VPS39: variants seen among roughly 807,000 people sequenced by gnomAD.
VPS39 encodes VPS39 subunit of HOPS complex.
Under a neutral mutation model 121.0 loss-of-function variants are expected in VPS39, and 70 were observed. That is an observed-to-expected ratio of 0.58 (90% confidence interval 0.48 to 0.71). VPS39 has a LOEUF of 0.71. VPS39 is among the 30% of genes least tolerant of loss of function. The probability of loss-of-function intolerance (pLI) is 0.00; values close to 1 mark genes in which losing one functional copy is unlikely to be tolerated. For missense variants in VPS39, 818 were observed against 1,051.5 expected (o/e 0.78, Z 3.07); for synonymous variants, 378 against 398.1 (o/e 0.95, Z 0.60).
At chr15:42,207,911 A>G (rs2050208732) in intron 1 of VPS39, among the ~76,000 whole-genome samples, 170 bp downstream of exon 1, 2 of 152,238 alleles carry the variant, frequency 1.3e-5, no homozygotes, top group Non-Finnish European at 2.9e-5. Context: ...ACAGACATCG[A>G]TGTCTATAGC....
chr15:42,184,755 A>G, intron 7 of VPS39, 55 bp from the exon 8 acceptor site: 1 of 1,526,210 alleles, frequency 6.6e-7, no homozygotes, highest in African/African-American at 1.4e-5. Flanking sequence ...AGGTAAGAAC[A>G]CAGGAAAAAT....
intron 20 of VPS39, 84 bp downstream of exon 20, chr15:42,163,542 G>T: frequency 1.3e-6 from 2 of 1,510,486 alleles, no homozygotes; most frequent in East Asian, 2.3e-5. Flanking sequence ...AGTGGAGTAT[G>T]GGGAGATGGC....
intron 8 of VPS39, chr15:42,179,068 C>G (rs1283858573): frequency 6.5e-6 from 1 of 154,288 alleles, no homozygotes; most frequent in Non-Finnish European, 1.4e-5. Context: ...AAATCTCTTG[C>G]ACAAAAAAGA....
intron 2 of VPS39, among the ~76,000 whole-genome samples, chr15:42,192,351 T>C (rs1487894599): frequency 6.6e-6 from 1 of 152,154 alleles, no homozygotes; most frequent in Non-Finnish European, 1.5e-5. Context: ...TCCAAGCTCA[T>C]ATTTGAGGGG....
intron 8 of VPS39, among the ~76,000 whole-genome samples, chr15:42,183,896 G>A (rs1339577457): frequency 6.6e-6 from 1 of 151,954 alleles, no homozygotes; most frequent in African/African-American, 2.4e-5. Context: ...TCACTCTTCC[G>A]ACTGAAAATA....
In VPS39 at chr15:42,178,539, C is replaced by A. The variant is rs760529009; in HGVS notation, c.750G>T (p.Leu250Phe). Residue 250 changes from leucine (L) to phenylalanine (F), a missense_variant, in exon 9 of 25, where the codon TTG (leucine) becomes TTT (phenylalanine). Leu to Phe is a conservative substitution (Grantham distance 22, BLOSUM62 0). Transcript: ENST00000318006. ...EHQPPYIIAVLPRYVEIRTFE... is the reference protein window; with the variant it reads ...EHQPPYIIAVFPRYVEIRTFE... The stretch of plus-strand genomic sequence containing the variant: ...ATGTTCGGATCTCAACATATCGAGG[C>A]AACACTGCAATGATGTAGGGAGGCT... The A allele has an allele frequency of 6.2e-7, 1 of 1,614,140 alleles. No homozygotes were observed. Among genetic ancestry groups the A allele is most frequent in the South Asian group, 1.1e-5 (1 of 91,076 alleles).
chr15:42,184,599 A>T lies in VPS39; in HGVS notation c.636T>A (p.Asp212Glu). The change falls in exon 8 of 25, where the codon GAT (aspartate) becomes GAA (glutamate). Residue 212 changes from aspartate to glutamate, a missense_variant. Physicochemically the swap from Asp to Glu is conservative, Grantham distance 45. Transcript: ENST00000318006. Reference protein sequence around the residue: ...LADGKVAVGQDDLTVVLNEEG... With the variant: ...LADGKVAVGQEDLTVVLNEEG... ...CCTCATTGAGTACCACGGTGAGATC[A>T]TCCTGGCCCACAGCCACTTTTCCAT... 1 of 1,614,162 alleles carries T rather than the reference A, an allele frequency of 6.2e-7. No individual in the cohort carries two copies. The highest frequency in any genetic ancestry group is 8.5e-7 in the Non-Finnish European group (1 of 1,180,024).
intron 5 of VPS39, 137 bp from the exon 6 acceptor site, chr15:42,187,993 C>T (rs1310689445): frequency 2.7e-6 from 2 of 751,840 alleles, no homozygotes; most frequent in East Asian, 5.2e-5. Flanking sequence ...GCCAGGAAAG[C>T]TGAGCAGAAC....
intron 1 of VPS39, 26 bp from the exon 2 acceptor site, chr15:42,199,987 C>CA (rs762376784): frequency 2.6e-6 from 4 of 1,530,972 alleles, no homozygotes; most frequent in Admixed American, 4.8e-5. Context: ...AAAACAAAAA[C>CA]AAAAACAAAA....
chr15:42,199,925 A>T lies in VPS39; in HGVS notation c.110T>A (p.Leu37His). ...GTCCTTCCGAATCCTATAGAGAAGA[A>T]GATGTCCTTGTTTGGTTCCCACAAG... ...WLLVGTKQGH[L>H]LLYRIRKDVG... The change falls in exon 2 of 25, where the codon CTT becomes CAT. Residue 37 changes from leucine to histidine, a missense_variant. By Grantham distance (99) the Leu-to-His change is moderately conservative. Transcript: ENST00000318006. The T allele has an allele frequency of 1.3e-6, 2 of 1,595,962 alleles. No individual in the cohort carries two copies. Among genetic ancestry groups the T allele is most frequent in the South Asian group, 2.3e-5 (2 of 86,968 alleles).
chr15:42,178,338 T>A lies in VPS39; in HGVS notation c.840A>T (p.Gly280=). ...TGCTGGCCACATAGATAATGTTTGA[T>A]CTGGAAGCAAGAGTAAGAATATTAG... ...LQRPRFITSG[G]SNIIYVASNH... The change falls in exon 10 of 25, where the codon GGA becomes GGT. Residue 280 remains glycine (G), a splice_region_variant and synonymous_variant. Coordinates refer to ENST00000318006, the MANE Select transcript of VPS39 (RefSeq NM_015289.5). 6.2e-7 allele frequency: 1 copy of A among 1,614,188 alleles called. No homozygotes were observed. The highest frequency in any genetic ancestry group is 8.5e-7 in the Non-Finnish European group (1 of 1,180,032).
chr15:42,197,276 G>A lies in VPS39; in HGVS notation c.139+2620C>T, dbSNP rs142142499. 7.2e-3 allele frequency among the ~76,000 whole-genome samples: 1,073 copies of A among 149,308 alleles called. 11 individuals carry two copies. Among genetic ancestry groups the A allele is most frequent in the African/African-American group, 0.026 (1,039 of 40,530 alleles). The stretch of plus-strand genomic sequence containing the variant: ...ACCAACATGGCACATGTATACATAT[G>A]TAACAAACCTGCACGTTGTGCACTT... On this transcript the variant is annotated intron_variant, in intron 2 of 24. Transcript: ENST00000318006.
In VPS39 at chr15:42,199,976, CAAAACAAAAACA is replaced by C. The variant is rs368235975; in HGVS notation, c.74-27_74-16del. On this transcript the variant is annotated splice_polypyrimidine_tract_variant and intron_variant, in intron 1 of 24. Transcript: ENST00000318006. ...AAGCCATTCCTCTGGAAAAACAAAA[CAAAACAAAAACA>C]AAAACAAAAAAAAACCAGCTTTGAG... 20 of 1,525,674 alleles carry C rather than the reference CAAAACAAAAACA, an allele frequency of 1.3e-5. No homozygotes were observed. The African/African-American group carries it at 1.8e-4, about 14-fold the overall frequency. The allele number at this position is 1,525,674 out of a possible 1,614,324, so 94.5% of individuals were successfully genotyped here. A position where few individuals can be genotyped will look rare whatever the true frequency, so the allele number is the denominator to read the frequency against.
intron 11 of VPS39, among the ~76,000 whole-genome samples, chr15:42,172,591 A>G (rs1054161820): frequency 3.3e-5 from 5 of 152,226 alleles, no homozygotes; most frequent in African/African-American, 1.2e-4. Flanking sequence ...GGCAATTTTT[A>G]TCAAGGATGC....
intron 18 of VPS39, 31 bp from the exon 19 acceptor site, chr15:42,164,517 G>C: frequency 6.2e-7 from 1 of 1,612,230 alleles, no homozygotes; most frequent in Admixed American, 1.7e-5. Flanking sequence ...AAAATGAAAG[G>C]ACACTGCCAG....
intron 21 of VPS39, 134 bp downstream of exon 21, chr15:42,163,216 T>C (rs1302432129): frequency 1.9e-6 from 2 of 1,080,202 alleles, no homozygotes; most frequent in South Asian, 1.4e-5. Flanking sequence ...TGTCCCTCAA[T>C]ACACACATGC....
intron 1 of VPS39, among the ~76,000 whole-genome samples, chr15:42,207,718 C>T (rs2050204320): frequency 6.6e-6 from 1 of 152,204 alleles, no homozygotes. Context: ...AACTTCAAGC[C>T]CCTGGCAGGC....
At chr15:42,166,044 C>A in intron 16 of VPS39, 115 bp downstream of exon 16, 1 of 1,163,804 alleles carries the variant, frequency 8.6e-7, no homozygotes, top group Non-Finnish European at 1.3e-6. Flanking sequence ...ACCCTTTCTT[C>A]ATGCACCAAT....
chr15:42,163,561 C>T (rs1291533592), intron 20 of VPS39, 65 bp downstream of exon 20: 2 of 1,525,554 alleles, frequency 1.3e-6, no homozygotes, highest in Non-Finnish European at 9.0e-7. Context: ...GCCTTCTTAA[C>T]TCTCATCTCT....
Sources: gnomAD v4.1 joint callset for allele counts (sites outside exome capture counted in the v4.1 genomes callset) on GRCh38, gnomAD v4.1.1 for gene constraint, MANE v1.5 for transcripts, NCBI Gene and HGNC (gene_info 2026-07-23, HGNC 2026-07-21) for gene names.